CRACR2A: variants seen among roughly 807,000 people sequenced by gnomAD.
The protein encoded by CRACR2A is EF-hand calcium-binding domain-containing protein 4B.
Under a neutral mutation model 90.5 loss-of-function variants are expected in CRACR2A, and 79 were observed. The ratio of observed to expected loss-of-function variants is 0.87; its 90% CI spans 0.73 to 1.05. CRACR2A has a LOEUF of 1.05. Ranked by LOEUF, CRACR2A falls within the 50% of genes least tolerant of loss-of-function variation. CRACR2A has a pLI of 0.00. For synonymous variants in CRACR2A, 338 were observed against 356.7 expected (o/e 0.95, Z 0.59); for missense variants, 823 against 897.2 (o/e 0.92, Z 1.06).
chr12:3,617,943 T>A (rs529780292), intron 18 of CRACR2A, among the ~76,000 whole-genome samples: 1 of 152,300 alleles, frequency 6.6e-6, no homozygotes, highest in East Asian at 1.9e-4. Flanking sequence ...ATGGGCTCTA[T>A]TTCTCCTTGT....
chr12:3,705,617 T>C (rs1360146395), intron 3 of CRACR2A, among the ~76,000 whole-genome samples: 1 of 152,174 alleles, frequency 6.6e-6, no homozygotes, highest in Non-Finnish European at 1.5e-5. Context: ...TAAACAGCAG[T>C]ACCTGGAAGC....
intron 2 of CRACR2A, among the ~76,000 whole-genome samples, chr12:3,717,809 T>C (rs1416965171): frequency 6.6e-6 from 1 of 152,172 alleles, no homozygotes; most frequent in African/African-American, 2.4e-5. Context: ...CATATACTCC[T>C]CCATGTGACA....
intron 11 of CRACR2A, among the ~76,000 whole-genome samples, chr12:3,646,000 G>A (rs1229121299): frequency 6.6e-6 from 1 of 152,222 alleles, no homozygotes; most frequent in African/African-American, 2.4e-5. Context: ...GGGGTAGGGG[G>A]TGGCCTCTGT....
intron 13 of CRACR2A, among the ~76,000 whole-genome samples, chr12:3,640,063 A>C (rs7316666): frequency 0.75 from 113,856 of 152,164 alleles, 43,239 homozygotes; most frequent in East Asian, 0.96. Flanking sequence ...TTAAACAGGC[A>C]TTAAAACAAA....
Position 3,641,848 on chromosome 12 carries a change from C to T in CRACR2A, c.1165-10G>A, listed in dbSNP as rs908498992. On this transcript the variant is annotated splice_polypyrimidine_tract_variant and intron_variant, in intron 12 of 19. Coordinates refer to ENST00000440314, the MANE Select transcript of CRACR2A (RefSeq NM_001144958.2). ...TGGCTGCCTTATTTTTCTGTAGAAACACAAAATGTCCTCAGATCCATGCCT... is the reference window on the plus strand; with the variant it reads ...TGGCTGCCTTATTTTTCTGTAGAAATACAAAATGTCCTCAGATCCATGCCT... 5.8e-6 allele frequency: 9 copies of T among 1,551,018 alleles called. No individual in the cohort carries two copies. Among genetic ancestry groups the T allele is most frequent in the Non-Finnish European group, 7.8e-6 (9 of 1,146,504 alleles).
chr12:3,680,145 C>A (rs766550636), intron 5 of CRACR2A, 93 bp downstream of exon 5: 1 of 1,024,980 alleles, frequency 9.8e-7, no homozygotes, highest in Non-Finnish European at 1.5e-6. Flanking sequence ...GCTTTACTAC[C>A]TGCCCCCCAG....
At chr12:3,662,557 T>C (rs1471871886) in intron 7 of CRACR2A, among the ~76,000 whole-genome samples, 2 of 152,200 alleles carry the variant, frequency 1.3e-5, no homozygotes, top group Non-Finnish European at 1.5e-5. Flanking sequence ...ATTTTAATCA[T>C]GGACTGTGGA....
intron 8 of CRACR2A, among the ~76,000 whole-genome samples, chr12:3,659,295 A>G (rs1285023445): frequency 3.3e-5 from 5 of 152,230 alleles, no homozygotes; most frequent in Non-Finnish European, 7.3e-5. Context: ...GGCATTGTCT[A>G]TGTGCTGAGG....
intron 7 of CRACR2A, among the ~76,000 whole-genome samples, chr12:3,661,427 C>T (rs1945034514): frequency 6.6e-6 from 1 of 152,202 alleles, no homozygotes; most frequent in African/African-American, 2.4e-5. Context: ...CAAGAGATGA[C>T]AGTCCTCCCA....
Position 3,713,256 on chromosome 12 carries a change from C to T in CRACR2A, c.-56G>A, listed in dbSNP as rs1206854604. 60 of 985,272 alleles carry T rather than the reference C, an allele frequency of 6.1e-5. No individual in the cohort carries two copies. Among genetic ancestry groups the T allele is most frequent in the Non-Finnish European group, 6.7e-5 (56 of 829,974 alleles). The allele number at this position is 985,272 out of a possible 1,614,324, so 61.0% of individuals were successfully genotyped here. On this transcript the variant is annotated 5_prime_UTR_variant, in exon 3 of 20. Coordinates refer to ENST00000440314, the MANE Select transcript of CRACR2A (RefSeq NM_001144958.2). ...ACTCACCTTGCAGCTCCCGGCTCCT[C>T]GGAGGACCTGCAACTCTTCACACCT... is the stretch of plus-strand genomic sequence containing the variant.
intron 10 of CRACR2A, among the ~76,000 whole-genome samples, chr12:3,649,318 G>A (rs1477315538): frequency 6.6e-6 from 1 of 152,118 alleles, no homozygotes; most frequent in East Asian, 1.9e-4. Context: ...AGACTTCAGG[G>A]AATTCAAATC....
chr12:3,615,461 T>C, intron 19 of CRACR2A, 22 bp from the exon 20 acceptor site: 6 of 1,538,370 alleles, frequency 3.9e-6, no homozygotes, highest in Non-Finnish European at 5.3e-6. Flanking sequence ...GAAGAGATCG[T>C]GTCAGTGATG....
chr12:3,745,819 AT>A (rs368006146), intron 1 of CRACR2A, among the ~76,000 whole-genome samples: 36 of 4,818 alleles, frequency 7.5e-3, no homozygotes, highest in South Asian at 0.015. Context: ...ATAAAATAAA[AT>A]AAAATAAAGA....
At chr12:3,691,503 A>C (rs1945650520) in intron 4 of CRACR2A, among the ~76,000 whole-genome samples, 1 of 152,172 alleles carries the variant, frequency 6.6e-6, no homozygotes, top group Non-Finnish European at 1.5e-5. Flanking sequence ...GTTTCTACCG[A>C]GAAGTCTGCT....
In CRACR2A at chr12:3,740,844, C is replaced by T. The variant is rs117230689; in HGVS notation, c.-386-7634G>A. 8.5e-5 allele frequency among the ~76,000 whole-genome samples: 13 copies of T among 152,310 alleles called. No homozygotes were observed. In the East Asian group the frequency reaches 1.3e-3, roughly 16 times the overall value. On this transcript the variant is annotated intron_variant, in intron 1 of 19. Transcript: ENST00000440314. The stretch of plus-strand genomic sequence containing the variant: ...TTAGCTACTTTATAAGCCTCAGTTT[C>T]CTCACCTTTAAGTTAAGGAAAATAA...
rs933874850 is a variant in CRACR2A at position 3,678,921 on chromosome 12, A to G, written c.518T>C (p.Leu173Ser). The change falls in exon 6 of 20, where the codon TTG (leucine) becomes TCG (serine). Residue 173 changes from leucine (L) to serine (S), a missense_variant. Leu to Ser is a moderately radical substitution (Grantham distance 145, BLOSUM62 -2). Transcript: ENST00000440314. ...LMDRLGAQKV[L>S]EDESDVKQLW... ...AATCACTGTCACCACTTACTCTTCC[A>G]ACACCTTTTGGGCTCCAAGTCTGTC... is the stretch of plus-strand genomic sequence containing the variant. 3.1e-6 allele frequency: 5 copies of G among 1,606,390 alleles called. No homozygotes were observed. The highest frequency in any genetic ancestry group is 4.2e-6 in the Non-Finnish European group (5 of 1,177,176).
At chr12:3,637,664 C>T (rs538866337) in intron 14 of CRACR2A, among the ~76,000 whole-genome samples, 42 of 151,568 alleles carry the variant, frequency 2.8e-4, no homozygotes, top group Non-Finnish European at 4.4e-4. Flanking sequence ...ACGTGCCCAC[C>T]CTATCTAAAA....
chr12:3,694,428 G>T (rs544977749), intron 4 of CRACR2A, among the ~76,000 whole-genome samples: 3 of 152,328 alleles, frequency 2.0e-5, no homozygotes, highest in Non-Finnish European at 4.4e-5. Flanking sequence ...TATGAAAAAT[G>T]TGAGTTCTTT....
chr12:3,643,804 ATT>A (rs1491496204), intron 12 of CRACR2A, among the ~76,000 whole-genome samples: 2 of 109,140 alleles, frequency 1.8e-5, no homozygotes, highest in East Asian at 2.3e-4. Flanking sequence ...TATAATATAT[ATT>A]ATATATATAT....
Sources: allele counts gnomAD v4.1 joint callset (sites outside exome capture counted in the v4.1 genomes callset), GRCh38; gene constraint gnomAD v4.1.1; transcripts MANE v1.5; gene names NCBI Gene and HGNC (gene_info 2026-07-23, HGNC 2026-07-21).